Variants in RRAGC observed in about 807,000 individuals in gnomAD.
RRAGC encodes Ras related GTP binding C, also known as ras-related GTP-binding protein C.
A neutral mutation model predicts 37.1 loss-of-function variants in RRAGC; 8 were observed. The observed-to-expected ratio is 0.22, with a 90% CI of 0.13 to 0.39. The LOEUF (loss-of-function observed/expected upper bound fraction) is 0.39. RRAGC is among the 10% of genes least tolerant of loss of function. The probability of loss-of-function intolerance (pLI) is 1.00; values close to 1 mark genes in which losing one functional copy is unlikely to be tolerated. For missense variants in RRAGC, 342 were observed against 497.6 expected, an observed-to-expected ratio of 0.69 and a Z score of 2.98; for synonymous variants, 190 against 181.1, an observed-to-expected ratio of 1.05 and a Z score of -0.39.
At chr1:38,859,264 C>G in intron 1 of RRAGC, 146 bp downstream of exon 1, 3 of 799,052 alleles carry the variant, frequency 3.8e-6, no homozygotes, top group Non-Finnish European at 5.8e-6. Context: ...CCGCGCGGGC[C>G]GCGCCTGTGC....
intron 3 of RRAGC, among the ~76,000 whole-genome samples, chr1:38,853,083 G>C (rs1642120453): frequency 1.3e-5 from 2 of 152,194 alleles, no homozygotes; most frequent in Non-Finnish European, 2.9e-5. Flanking sequence ...GACTTTGTCA[G>C]TCTCGCTCCT....
intron 6 of RRAGC, among the ~76,000 whole-genome samples, chr1:38,845,508 G>A (rs767691480): frequency 6.6e-6 from 1 of 152,176 alleles, no homozygotes; most frequent in Non-Finnish European, 1.5e-5. Context: ...ATAACATTAG[G>A]AGAAATACCT....
At chr1:38,857,187 T>A (rs971117541) in intron 1 of RRAGC, 105 bp from the exon 2 acceptor site, 37 of 868,382 alleles carry the variant, frequency 4.3e-5, no homozygotes, top group Middle Eastern at 3.3e-4. Context: ...CAAAAAAAAA[T>A]TTTTTTTGAA....
At chr1:38,855,593 A>G in intron 3 of RRAGC, 115 bp downstream of exon 3, 3 of 842,874 alleles carry the variant, frequency 3.6e-6, no homozygotes, top group Non-Finnish European at 5.7e-6. Flanking sequence ...CAAAAACATA[A>G]AAGATGTGGC....
intron 4 of RRAGC, 91 bp downstream of exon 4, chr1:38,852,283 C>T (rs1232550859): frequency 1.3e-6 from 1 of 776,044 alleles, no homozygotes; most frequent in Non-Finnish European, 2.3e-6. Context: ...CAGATTAATT[C>T]AAGACTTTTT....
chr1:38,857,615 G>A (rs1642183265), intron 1 of RRAGC, among the ~76,000 whole-genome samples: 1 of 152,212 alleles, frequency 6.6e-6, no homozygotes, highest in Non-Finnish European at 1.5e-5. Context: ...GGGACTGACA[G>A]GGAAAAGATA....
chr1:38,846,407 C>T (rs991568919), intron 5 of RRAGC: 12 of 221,614 alleles, frequency 5.4e-5, no homozygotes, highest in East Asian at 1.5e-4. Flanking sequence ...CTACTCACCC[C>T]CTAGACTGTG....
chr1:38,859,280 C>G, intron 1 of RRAGC, 130 bp downstream of exon 1: 1 of 895,794 alleles, frequency 1.1e-6, no homozygotes, highest in Non-Finnish European at 1.7e-6. Context: ...TGTGCGCTCG[C>G]AAGAGTGGAA....
At position 38,859,383 on chromosome 1, in the gene RRAGC, C is replaced by T. The variant is rs758469241; in HGVS notation, c.237+27G>A. ...GGCCACCTGAGAACCGGGGAGGGGG[C>T]GGGGGACTGGGCGCAGCCCTGCTCA... On this transcript the variant is annotated intron_variant, in intron 1 of 6. Transcript: ENST00000373001. 1.8e-4 allele frequency: 283 copies of T among 1,538,346 alleles called. 1 individual carries two copies. Among genetic ancestry groups the T allele is most frequent in the Non-Finnish European group, 2.7e-5 (31 of 1,139,256 alleles).
chr1:38,839,820 C>A, intron 6 of RRAGC, 116 bp from the exon 7 acceptor site: 3 of 980,264 alleles, frequency 3.1e-6, no homozygotes, highest in Non-Finnish European at 4.6e-6. Context: ...CTTAAGCCTC[C>A]AAACTAGATA....
At chr1:38,845,883 C>G (rs183318951) in intron 6 of RRAGC, 56 bp downstream of exon 6, 2 of 1,438,486 alleles carry the variant, frequency 1.4e-6, no homozygotes, top group Non-Finnish European at 1.9e-6. Flanking sequence ...TTTCAAGAAC[C>G]TGAGAAGTTA....
At chr1:38,840,082 A>G (rs1320580430) in intron 6 of RRAGC, among the ~76,000 whole-genome samples, 4 of 150,914 alleles carry the variant, frequency 2.7e-5, no homozygotes, top group Non-Finnish European at 5.9e-5. Flanking sequence ...TGGGAGGCAA[A>G]GCTTGCAGTG....
chr1:38,849,623 G>T (rs1365146974), intron 5 of RRAGC, among the ~76,000 whole-genome samples: 1 of 152,142 alleles, frequency 6.6e-6, no homozygotes, highest in Non-Finnish European at 1.5e-5. Context: ...GGGAGGCAGA[G>T]GTTGCAGTGA....
chr1:38,855,914 G>A lies in RRAGC; in HGVS notation c.442-7C>T. The stretch of plus-strand genomic sequence containing the variant: ...AAGCCTCCATGTAGTCATCCTGTAA[G>A]TCAGAACAAAATATTTTTTAAAATA... On this transcript the variant is annotated splice_polypyrimidine_tract_variant and splice_region_variant and intron_variant, in intron 2 of 6. Coordinates refer to ENST00000373001, the MANE Select transcript of RRAGC (RefSeq NM_022157.4). The A allele has an allele frequency of 6.3e-7, 1 of 1,596,614 alleles. No homozygotes were observed. The highest frequency in any genetic ancestry group is 8.6e-7 in the Non-Finnish European group (1 of 1,168,850).
At position 38,852,253 on chromosome 1, in the gene RRAGC, A is replaced by G; in HGVS notation, c.756+121T>C. 5 of 683,784 alleles carry G rather than the reference A, an allele frequency of 7.3e-6. No individual in the cohort carries two copies. The South Asian group carries it at 8.3e-5, about 11-fold the overall frequency. The allele number at this position is 683,784 out of a possible 1,614,324, so 42.4% of individuals were successfully genotyped here. A position where few individuals can be genotyped will look rare whatever the true frequency, so the allele number is the denominator to read the frequency against. ...ATTTATTTTACATGTTAAGTGGGTC[A>G]CTAGTCTTTGTACTTGATACAGATT... On this transcript the variant is annotated intron_variant, in intron 4 of 6. Transcript: ENST00000373001.
intron 3 of RRAGC, among the ~76,000 whole-genome samples, chr1:38,854,421 T>TTGTTA (rs143465568): frequency 0.055 from 8,345 of 152,192 alleles, 261 homozygotes; most frequent in Non-Finnish European, 0.064. Flanking sequence ...TCTAGGACCC[T>TTGTTA]ACATGGTACT....
intron 2 of RRAGC, 92 bp downstream of exon 2, chr1:38,856,787 C>A (rs532537429): frequency 7.2e-6 from 9 of 1,257,944 alleles, no homozygotes; most frequent in Non-Finnish European, 9.2e-6. Flanking sequence ...AAGAGATAAG[C>A]TGCAACCACA....
At position 38,857,035 on chromosome 1, in the gene RRAGC, A is replaced by G. The variant is rs1276365946; in HGVS notation, c.285T>C (p.Ser95=). 6.8e-6 allele frequency: 11 copies of G among 1,613,992 alleles called. No individual in the cohort carries two copies. The highest frequency in any genetic ancestry group is 8.5e-6 in the Non-Finnish European group (10 of 1,179,948). ...MSPNETLFLE[S]TNKIYKDDIS... ...TGTCATCCTTATAAATCTTGTTGGTACTTTCCAAAAAGAGGGTCTCGTTGG... is the reference window on the plus strand; with the variant it reads ...TGTCATCCTTATAAATCTTGTTGGTGCTTTCCAAAAAGAGGGTCTCGTTGG... The change falls in exon 2 of 7, where the codon AGT becomes AGC. Residue 95 remains serine, a synonymous_variant. Transcript: ENST00000373001.
chr1:38,849,872 AAT>A (rs1268386207), intron 5 of RRAGC, among the ~76,000 whole-genome samples: 2 of 152,306 alleles, frequency 1.3e-5, no homozygotes, highest in East Asian at 3.9e-4. Context: ...ACTATCCTAA[AAT>A]ATATAATAAA....
Sources: gnomAD v4.1 joint callset for allele counts (sites outside exome capture counted in the v4.1 genomes callset) on GRCh38, gnomAD v4.1.1 for gene constraint, MANE v1.5 for transcripts, NCBI Gene and HGNC (gene_info 2026-07-23, HGNC 2026-07-21) for gene names.